The following KCNH5 variants were observed in gnomAD, a reference collection of about 807,000 sequenced individuals.
The protein encoded by KCNH5 is potassium voltage-gated channel subfamily H member 5.
Under a neutral mutation model 96.1 loss-of-function variants are expected in KCNH5, and 46 were observed. The ratio of observed to expected loss-of-function variants is 0.48; its 90% CI spans 0.38 to 0.61. The LOEUF (loss-of-function observed/expected upper bound fraction) is 0.61, where lower values mean the gene tolerates loss of function less well. Ranked by LOEUF, KCNH5 falls within the 20% of genes least tolerant of loss-of-function variation. KCNH5 has a pLI of 0.00. For synonymous variants in KCNH5, 439 were observed against 449.8 expected, an observed-to-expected ratio of 0.98 and a Z score of 0.30; for missense variants, 907 against 1,225.8, an observed-to-expected ratio of 0.74 and a Z score of 3.88.
chr14:62,999,887 G>GA (rs1185080906), intron 4 of KCNH5, among the ~76,000 whole-genome samples: 30 of 143,538 alleles, frequency 2.1e-4, no homozygotes, highest in South Asian at 4.4e-4. Context: ...AAAGGGAAAA[G>GA]AAAAAAAAAA....
rs114685199 is a variant in KCNH5, at chr14:62,774,037, T to C, written c.2019+5691A>G. Among the ~76,000 whole-genome samples, 852 of 152,310 alleles carry C rather than the reference T, an allele frequency of 5.6e-3. 9 individuals carry two copies. The highest frequency in any genetic ancestry group is 0.019 in the African/African-American group (798 of 41,564). On this transcript the variant is annotated intron_variant, in intron 10 of 10. Coordinates refer to ENST00000322893, the MANE Select transcript of KCNH5 (RefSeq NM_139318.5). The stretch of plus-strand genomic sequence containing the variant: ...AAGGTCAGACAATCCACTAGGCAGA[T>C]TCACAGAATTCTGCATATCATCATA...
In KCNH5 at chr14:62,707,598, G is replaced by A; in HGVS notation, c.2877C>T (p.Leu959=). ...QASSPKSQMP[L]QVPPQIPCQD... The stretch of plus-strand genomic sequence containing the variant: ...GACATGGTATCTGGGGGGGTACTTG[G>A]AGTGGCATTTGGGATTTGGGAGATG... Residue 959 remains leucine (L), a synonymous_variant, in exon 11 of 11, where the codon CTC becomes CTT. Transcript: ENST00000322893. The A allele has an allele frequency of 6.5e-7, 1 of 1,537,982 alleles. No individual in the cohort carries two copies. Among genetic ancestry groups the A allele is most frequent in the Non-Finnish European group, 8.8e-7 (1 of 1,139,874 alleles).
At chr14:62,933,407 G>A (rs964664000) in intron 7 of KCNH5, among the ~76,000 whole-genome samples, 1 of 151,956 alleles carries the variant, frequency 6.6e-6, no homozygotes, top group South Asian at 2.1e-4. Flanking sequence ...TCTAAATATA[G>A]AGAAGATTTA....
At chr14:62,971,609 C>G (rs529225332) in intron 6 of KCNH5, among the ~76,000 whole-genome samples, 3 of 151,834 alleles carry the variant, frequency 2.0e-5, no homozygotes, top group East Asian at 1.9e-4. Context: ...TTAAGACTAA[C>G]TATAAAAGTA....
chr14:62,943,302 T>C (rs1889823901), intron 7 of KCNH5, among the ~76,000 whole-genome samples: 1 of 152,140 alleles, frequency 6.6e-6, no homozygotes, highest in Non-Finnish European at 1.5e-5. Flanking sequence ...TTTAAAAACA[T>C]ATGAAGACAA....
chr14:63,029,171 A>G (rs1891579456), intron 1 of KCNH5, among the ~76,000 whole-genome samples: 1 of 152,208 alleles, frequency 6.6e-6, no homozygotes, highest in East Asian at 1.9e-4. Flanking sequence ...TGAGTAAAGC[A>G]GACATGGTGC....
chr14:62,701,674 A>T lies in KCNH5; in HGVS notation c.*5834T>A, dbSNP rs1014582923. On this transcript the variant is annotated 3_prime_UTR_variant, in exon 11 of 11. Transcript: ENST00000322893. ...CAAGATGGTTTGGGCTGAAGATTCC[A>T]GCATGTAGTGTTGTAATATCTTGTT... 2 of 152,170 alleles carry T rather than the reference A, an allele frequency of 1.3e-5. No individual in the cohort carries two copies. The highest frequency in any genetic ancestry group is 2.9e-5 in the Non-Finnish European group (2 of 67,992). The allele number at this position is 152,170 out of a possible 1,614,324, so 9.4% of individuals were successfully genotyped here.
rs114072537 is a variant in KCNH5 at position 62,829,039 on chromosome 14, G to A, written c.1569+20614C>T. On this transcript the variant is annotated intron_variant, in intron 8 of 10. Coordinates refer to ENST00000322893, the MANE Select transcript of KCNH5 (RefSeq NM_139318.5). ...TTGTTTTGAAGTCTGAAGTTCAGTA[G>A]GGCAGCCATTAAACCTTAAAGCTCA... 8.3e-3 allele frequency among the ~76,000 whole-genome samples: 1,259 copies of A among 152,252 alleles called. 18 individuals carry two copies. Among genetic ancestry groups the A allele is most frequent in the African/African-American group, 0.029 (1,223 of 41,530 alleles).
intron 7 of KCNH5, among the ~76,000 whole-genome samples, chr14:62,902,447 CATT>C (rs1888946486): frequency 1.3e-5 from 2 of 151,912 alleles, no homozygotes; most frequent in Admixed American, 1.3e-4. Context: ...AAAAAGTAGA[CATT>C]ATGGGAAGTG....
chr14:62,913,685 T>A lies in KCNH5; in HGVS notation c.1369+36448A>T, dbSNP rs370572543. 5.9e-5 allele frequency among the ~76,000 whole-genome samples: 9 copies of A among 152,286 alleles called. No individual in the cohort carries two copies. The East Asian group carries it at 1.7e-3, about 29-fold the overall frequency. Reference sequence around the variant, plus strand: ...GAGAAACTACAAAATAAGAACAATATAAAACCCAAGCTTAGATGGCTTTTA... The same window carrying A: ...GAGAAACTACAAAATAAGAACAATAAAAAACCCAAGCTTAGATGGCTTTTA... On this transcript the variant is annotated intron_variant, in intron 7 of 10. Transcript: ENST00000322893.
At chr14:62,802,013 A>G (rs1819271349) in intron 9 of KCNH5, among the ~76,000 whole-genome samples, 2 of 152,098 alleles carry the variant, frequency 1.3e-5, no homozygotes, top group African/African-American at 4.8e-5. Context: ...TACCACGTCA[A>G]TCATTCCACA....
intron 8 of KCNH5, among the ~76,000 whole-genome samples, chr14:62,825,961 T>C (rs891850737): frequency 6.6e-6 from 1 of 152,156 alleles, no homozygotes; most frequent in Non-Finnish European, 1.5e-5. Context: ...AAAATTTCCA[T>C]ATTTATTTGA....
At chr14:62,850,410 G>A (rs1178990940) in intron 7 of KCNH5, among the ~76,000 whole-genome samples, 2 of 152,174 alleles carry the variant, frequency 1.3e-5, no homozygotes, top group Non-Finnish European at 2.9e-5. Context: ...AGGTTCTGAA[G>A]ATAAAGAGGT....
intron 1 of KCNH5, among the ~76,000 whole-genome samples, chr14:63,029,977 T>G (rs910307932): frequency 6.6e-6 from 1 of 152,162 alleles, no homozygotes; most frequent in Non-Finnish European, 1.5e-5. Flanking sequence ...GAGGAATAAC[T>G]TCCTTGAAAA....
chr14:62,728,663 T>C (rs1045249334), intron 10 of KCNH5, among the ~76,000 whole-genome samples: 1 of 152,220 alleles, frequency 6.6e-6, no homozygotes, highest in Admixed American at 6.5e-5. Flanking sequence ...TCATTAGATA[T>C]GTGATTCTGG....
chr14:62,977,242 C>T (rs1460421905), intron 6 of KCNH5, among the ~76,000 whole-genome samples: 2 of 151,948 alleles, frequency 1.3e-5, no homozygotes, highest in Non-Finnish European at 2.9e-5. Flanking sequence ...TGGTGCGCGC[C>T]TCTAGTCCCA....
intron 9 of KCNH5, among the ~76,000 whole-genome samples, chr14:62,794,626 T>C (rs1298679640): frequency 6.6e-6 from 1 of 152,086 alleles, no homozygotes; most frequent in African/African-American, 2.4e-5. Flanking sequence ...TTAATAATTA[T>C]TGGTATTTTA....
intron 7 of KCNH5, among the ~76,000 whole-genome samples, chr14:62,865,942 T>C (rs375728823): frequency 7.2e-5 from 11 of 152,206 alleles, no homozygotes; most frequent in African/African-American, 2.4e-4. Flanking sequence ...TTGGATCTTT[T>C]AAAGAGCAAT....
At chr14:62,912,547 T>A (rs893529479) in intron 7 of KCNH5, among the ~76,000 whole-genome samples, 11 of 151,922 alleles carry the variant, frequency 7.2e-5, no homozygotes, top group African/African-American at 2.7e-4. Flanking sequence ...GCTGGGATTA[T>A]AGGTGCCCGC....
Sources: gnomAD v4.1 joint callset for allele counts (sites outside exome capture counted in the v4.1 genomes callset) on GRCh38, gnomAD v4.1.1 for gene constraint, MANE v1.5 for transcripts, NCBI Gene and HGNC (gene_info 2026-07-23, HGNC 2026-07-21) for gene names.